AGPAT5: variants seen among roughly 807,000 people sequenced by gnomAD.
The protein encoded by AGPAT5 is 1-acyl-sn-glycerol-3-phosphate acyltransferase epsilon.
In AGPAT5, 46 loss-of-function variants were observed where a neutral mutation model predicts 45.6. That is an observed-to-expected ratio of 1.01 (90% CI 0.80 to 1.29). The LOEUF (loss-of-function observed/expected upper bound fraction) is 1.29, where lower values mean the gene tolerates loss of function less well. Among genes scored for constraint, AGPAT5 ranks in the 50% most tolerant of loss-of-function variants. The pLI is 0.00. For synonymous variants in AGPAT5, 272 were observed against 167.0 expected, an observed-to-expected ratio of 1.63 and a Z score of -4.85; for missense variants, 673 against 450.7, an observed-to-expected ratio of 1.49 and a Z score of -4.47.
chr8:6,746,339 G>C (rs937193023), intron 5 of AGPAT5: 4 of 152,168 alleles, frequency 2.6e-5, no homozygotes, highest in African/African-American at 7.2e-5. Context: ...CAGAAGCCTA[G>C]TCACAAAGCT....
At chr8:6,756,522 G>A (rs1282015795) in intron 7 of AGPAT5, among the ~76,000 whole-genome samples, 1 of 151,658 alleles carries the variant, frequency 6.6e-6, no homozygotes, top group African/African-American at 2.4e-5. Context: ...GGAGGCCGAG[G>A]TGCGAGGATC....
chr8:6,745,915 A>G (rs1801435062), intron 5 of AGPAT5: 1 of 151,964 alleles, frequency 6.6e-6, no homozygotes. Flanking sequence ...CAGCCTCAGT[A>G]TGCCCAATTT....
At chr8:6,745,766 A>T (rs1446521514) in intron 5 of AGPAT5, 7 of 137,352 alleles carry the variant, frequency 5.1e-5, no homozygotes, top group African/African-American at 1.6e-4. Context: ...TTGCCTTTTC[A>T]TCTTCTGCCC....
rs117295614 is a variant in AGPAT5 at position 6,710,553 on chromosome 8, T to A, written c.219+1666T>A. 4.7e-4 allele frequency among the ~76,000 whole-genome samples: 72 copies of A among 152,368 alleles called. No individual in the cohort carries two copies. In the East Asian group the frequency reaches 0.013, roughly 27 times the overall value. ...TCAAATGCAAGTTATGAACATTTAA[T>A]AAAAATTTAAAACCAAGAGTTTCTT... On this transcript the variant is annotated intron_variant, in intron 1 of 7. Transcript: ENST00000285518.
chr8:6,716,143 T>G (rs571440822), intron 1 of AGPAT5, among the ~76,000 whole-genome samples: 1 of 152,350 alleles, frequency 6.6e-6, no homozygotes, highest in South Asian at 2.1e-4. Flanking sequence ...TTAACATATA[T>G]AATACTGATA....
In AGPAT5 at chr8:6,758,297, C is replaced by G. The variant is rs1801912670; in HGVS notation, c.*909C>G. 1 of 152,670 alleles carries G rather than the reference C, an allele frequency of 6.6e-6. No homozygotes were observed. Among genetic ancestry groups the G allele is most frequent in the African/African-American group, 2.4e-5 (1 of 41,460 alleles). 9.5% of individuals were successfully genotyped at this position (152,670 alleles called of 1,614,324 possible). On this transcript the variant is annotated 3_prime_UTR_variant, in exon 8 of 8. Transcript: ENST00000285518. ...AAGGTGATGAGAGCCTGCAGACATT[C>G]TGCCTAGATTTACTAGCGTGTGCCT...
At chr8:6,716,588 A>G (rs1166130762) in intron 1 of AGPAT5, among the ~76,000 whole-genome samples, 1 of 152,126 alleles carries the variant, frequency 6.6e-6, no homozygotes, top group African/African-American at 2.4e-5. Context: ...TAATCCAAGC[A>G]CTTTGGGAGG....
At position 6,759,956 on chromosome 8, in the gene AGPAT5, T is replaced by G. The variant is rs535543772; in HGVS notation, c.*2568T>G. Among the ~76,000 whole-genome samples, 1 of 152,254 alleles carries G rather than the reference T, an allele frequency of 6.6e-6. No homozygotes were observed. Among genetic ancestry groups the G allele is most frequent in the Admixed American group, 6.5e-5 (1 of 15,280 alleles). On this transcript the variant is annotated 3_prime_UTR_variant, in exon 8 of 8. Coordinates refer to ENST00000285518, the MANE Select transcript of AGPAT5 (RefSeq NM_018361.5). ...TGTCAAATGCCTTAAATTAACTAAG[T>G]TGGTGAATAAAAGTGCCGATCTGGC... is the stretch of plus-strand genomic sequence containing the variant.
Position 6,730,789 on chromosome 8 carries a change from T to G in AGPAT5, c.368T>G (p.Leu123Ter). Reference sequence around the variant, plus strand: ...GTGCGCTACGTGCTGAAAGAAGGGTTAAAATGGCTGCCATTGTATGGGTGT... The same window carrying G: ...GTGCGCTACGTGCTGAAAGAAGGGTGAAAATGGCTGCCATTGTATGGGTGT... ...GHVRYVLKEG[L>*]KWLPLYGCYF... is the part of the protein sequence containing the mutation. Residue 123 changes from leucine to a stop codon, truncating the protein, a stop_gained, in exon 3 of 8, where the codon TTA (leucine) becomes TGA (stop). Coordinates refer to ENST00000285518, the MANE Select transcript of AGPAT5 (RefSeq NM_018361.5). LOFTEE classifies it high-confidence loss of function. The G allele has an allele frequency of 6.2e-7, 1 of 1,613,530 alleles. No individual in the cohort carries two copies.
At position 6,733,049 on chromosome 8, in the gene AGPAT5, C is replaced by G. The variant is rs530590984; in HGVS notation, c.495+399C>G. 5.3e-5 allele frequency among the ~76,000 whole-genome samples: 8 copies of G among 152,258 alleles called. No homozygotes were observed. In the East Asian group the frequency reaches 1.5e-3, roughly 29 times the overall value. ...TTCTGTTAGTGCAAATTTTGAATGT[C>G]TTACATGTACAGAAAAACCAAAAAA... On this transcript the variant is annotated intron_variant, in intron 4 of 7. Transcript: ENST00000285518.
At chr8:6,727,703 A>G (rs929287597) in intron 2 of AGPAT5, among the ~76,000 whole-genome samples, 2 of 152,170 alleles carry the variant, frequency 1.3e-5, no homozygotes, top group African/African-American at 2.4e-5. Context: ...TTTTAATCTC[A>G]TGAAATGTTC....
chr8:6,759,708 C>G lies in AGPAT5; in HGVS notation c.*2320C>G, dbSNP rs1026113280. 3 of 152,108 alleles carry G rather than the reference C, an allele frequency of 2.0e-5. No homozygotes were observed. The highest frequency in any genetic ancestry group is 4.4e-5 in the Non-Finnish European group (3 of 68,028). The allele number at this position is 152,108 out of a possible 1,614,324, so 9.4% of individuals were successfully genotyped here. A position where few individuals can be genotyped will look rare whatever the true frequency, so the allele number is the denominator to read the frequency against. On this transcript the variant is annotated 3_prime_UTR_variant, in exon 8 of 8. Coordinates refer to ENST00000285518, the MANE Select transcript of AGPAT5 (RefSeq NM_018361.5). ...ATTTTTTGACCCTAAAATTCACCAA[C>G]AGTCTCCCAGTACATAAAATAGGCT...
intron 1 of AGPAT5, among the ~76,000 whole-genome samples, chr8:6,712,440 A>G (rs1388073765): frequency 6.6e-6 from 1 of 152,088 alleles, no homozygotes; most frequent in Non-Finnish European, 1.5e-5. Flanking sequence ...TTCTAAGACA[A>G]TTAATTATGT....
rs1234490353 is a variant in AGPAT5 at position 6,758,449 on chromosome 8, A to C, written c.*1061A>C. On this transcript the variant is annotated 3_prime_UTR_variant, in exon 8 of 8. Transcript: ENST00000285518. ...TCAGTGGTGCTGCTCAGCGGCTTGCACGCAGACTTGCTAGGAAGAAATGCA... is the reference window on the plus strand; with the variant it reads ...TCAGTGGTGCTGCTCAGCGGCTTGCCCGCAGACTTGCTAGGAAGAAATGCA... The C allele has an allele frequency of 6.6e-6, 1 of 152,636 alleles. No homozygotes were observed. The allele number at this position is 152,636 out of a possible 1,614,324, so 9.5% of individuals were successfully genotyped here. A position where few individuals can be genotyped will look rare whatever the true frequency, so the allele number is the denominator to read the frequency against.
At chr8:6,717,354 G>A (rs1025641657) in intron 1 of AGPAT5, among the ~76,000 whole-genome samples, 1 of 152,178 alleles carries the variant, frequency 6.6e-6, no homozygotes, top group African/African-American at 2.4e-5. Flanking sequence ...CTTGGCATGA[G>A]AATTCCAGGG....
At chr8:6,739,742 T>G (rs1179736167) in intron 4 of AGPAT5, among the ~76,000 whole-genome samples, 1 of 152,114 alleles carries the variant, frequency 6.6e-6, no homozygotes, top group African/African-American at 2.4e-5. Context: ...TGATGGCTTT[T>G]ATTTCTTTTT....
chr8:6,724,653 C>G (rs1441583367), intron 1 of AGPAT5, among the ~76,000 whole-genome samples: 1 of 90,658 alleles, frequency 1.1e-5, no homozygotes, highest in Admixed American at 1.4e-4. Flanking sequence ...ATTGATTATT[C>G]TATTTTAATT....
At chr8:6,726,965 A>G (rs1185075861) in intron 2 of AGPAT5, among the ~76,000 whole-genome samples, 1 of 152,232 alleles carries the variant, frequency 6.6e-6, no homozygotes, top group African/African-American at 2.4e-5. Context: ...AAAAATGTGC[A>G]TATAAAAATT....
chr8:6,723,495 G>A (rs1800577736), intron 1 of AGPAT5, among the ~76,000 whole-genome samples: 1 of 142,414 alleles, frequency 7.0e-6, no homozygotes, highest in Admixed American at 6.9e-5. Flanking sequence ...CACTGGGATT[G>A]CAGGCATGGG....
Sources: gnomAD v4.1 joint callset for allele counts (sites outside exome capture counted in the v4.1 genomes callset) on GRCh38, gnomAD v4.1.1 for gene constraint, MANE v1.5 for transcripts, NCBI Gene and HGNC (gene_info 2026-07-23, HGNC 2026-07-21) for gene names.